Variants in CPA6 observed in about 807,000 individuals in gnomAD.
CPA6 encodes the protein carboxypeptidase A6, also known as carboxypeptidase B.
A neutral mutation model predicts 63.3 loss-of-function variants in CPA6; 58 were observed. The ratio of observed to expected loss-of-function variants is 0.92; its 90% CI spans 0.74 to 1.14. The LOEUF (loss-of-function observed/expected upper bound fraction) is 1.14, where lower values mean the gene tolerates loss of function less well. CPA6 is among the 50% of genes most tolerant of loss of function. The pLI is 0.00. For missense variants in CPA6, 565 were observed against 526.6 expected (o/e 1.07, Z -0.71); for synonymous variants, 185 against 179.0 (o/e 1.03, Z -0.27).
intron 1 of CPA6, among the ~76,000 whole-genome samples, chr8:67,666,364 C>T (rs554416437): frequency 2.8e-4 from 42 of 152,160 alleles, no homozygotes; most frequent in Non-Finnish European, 5.3e-4. Flanking sequence ...GCTACCCATT[C>T]CTTTTGGGAA....
chr8:67,445,133 G>A (rs28441492), intron 8 of CPA6, among the ~76,000 whole-genome samples: 23,937 of 152,160 alleles, frequency 0.16, 2,012 homozygotes, highest in East Asian at 0.24. Context: ...AGTAAGTATA[G>A]ACTATCTGTT....
chr8:67,518,947 GT>G (rs1812206214), intron 2 of CPA6, among the ~76,000 whole-genome samples: 1 of 152,104 alleles, frequency 6.6e-6, no homozygotes, highest in African/African-American at 2.4e-5. Flanking sequence ...CCTTGTCATA[GT>G]TTTTAGAGCA....
chr8:67,495,017 T>C (rs1354762649), intron 6 of CPA6, among the ~76,000 whole-genome samples: 1 of 152,204 alleles, frequency 6.6e-6, no homozygotes, highest in Admixed American at 6.5e-5. Flanking sequence ...GCAGAGTTTT[T>C]GATTTTCCCT....
intron 2 of CPA6, among the ~76,000 whole-genome samples, chr8:67,551,769 T>C (rs1166872779): frequency 6.6e-6 from 1 of 152,214 alleles, no homozygotes. Context: ...AGGTATTTTA[T>C]TTTTTTGGTG....
intron 2 of CPA6, among the ~76,000 whole-genome samples, chr8:67,592,672 C>T (rs1268883564): frequency 5.9e-5 from 9 of 151,916 alleles, no homozygotes; most frequent in South Asian, 2.1e-4. Flanking sequence ...AGTTTATTTG[C>T]GTAGAGGTGT....
intron 6 of CPA6, among the ~76,000 whole-genome samples, chr8:67,492,749 C>T (rs1033157498): frequency 6.6e-6 from 1 of 152,164 alleles, no homozygotes; most frequent in African/African-American, 2.4e-5. Flanking sequence ...TGTCTGTCTA[C>T]ACAATGGCCA....
At chr8:67,433,037 CA>C (rs548176026) in intron 9 of CPA6, among the ~76,000 whole-genome samples, 146 of 152,244 alleles carry the variant, frequency 9.6e-4, no homozygotes, top group Admixed American at 1.6e-3. Context: ...GTTGGACACC[CA>C]AGTGGTGTTG....
At chr8:67,637,663 A>T (rs1462441974) in intron 1 of CPA6, among the ~76,000 whole-genome samples, 1 of 151,560 alleles carries the variant, frequency 6.6e-6, no homozygotes, top group Non-Finnish European at 1.5e-5. Context: ...TGTATAATCT[A>T]GTTAGGTACA....
intron 2 of CPA6, among the ~76,000 whole-genome samples, chr8:67,602,912 C>A (rs558516424): frequency 6.6e-6 from 1 of 152,014 alleles, no homozygotes; most frequent in Admixed American, 6.5e-5. Context: ...AATTTGGAAC[C>A]CCTTGATAGA....
intron 2 of CPA6, among the ~76,000 whole-genome samples, chr8:67,538,178 A>C (rs1446179462): frequency 6.6e-6 from 1 of 152,154 alleles, no homozygotes; most frequent in Non-Finnish European, 1.5e-5. Flanking sequence ...CATGGTGGAG[A>C]GTTCTGTAGA....
intron 2 of CPA6, among the ~76,000 whole-genome samples, chr8:67,542,997 G>A (rs1215956213): frequency 6.6e-6 from 1 of 152,142 alleles, no homozygotes; most frequent in African/African-American, 2.4e-5. Context: ...TTTAGTATTT[G>A]TAGTATTCGT....
At chr8:67,678,386 C>T (rs745973952) in intron 1 of CPA6, among the ~76,000 whole-genome samples, 5 of 152,048 alleles carry the variant, frequency 3.3e-5, no homozygotes, top group African/African-American at 7.2e-5. Flanking sequence ...ATATATCCAA[C>T]GAGGCCTGAT....
intron 1 of CPA6, among the ~76,000 whole-genome samples, chr8:67,737,883 C>T (rs1282983119): frequency 6.6e-6 from 1 of 152,184 alleles, no homozygotes; most frequent in South Asian, 2.1e-4. Flanking sequence ...TTAGTCTTAA[C>T]TCTAGTGCTA....
chr8:67,592,817 G>A (rs1462002366), intron 2 of CPA6, among the ~76,000 whole-genome samples: 2 of 151,870 alleles, frequency 1.3e-5, no homozygotes, highest in Admixed American at 6.6e-5. Flanking sequence ...CAATTTTGTC[G>A]ATCCTTTCAA....
chr8:67,653,597 C>A (rs1815903464), intron 1 of CPA6, among the ~76,000 whole-genome samples: 1 of 151,962 alleles, frequency 6.6e-6, no homozygotes, highest in Admixed American at 6.6e-5. Context: ...GATTTTGTAT[C>A]CTGAGACTTT....
At chr8:67,587,710 T>C (rs1813984353) in intron 2 of CPA6, among the ~76,000 whole-genome samples, 1 of 152,104 alleles carries the variant, frequency 6.6e-6, no homozygotes, top group Non-Finnish European at 1.5e-5. Flanking sequence ...AACTATGTGG[T>C]TGGCATGTGT....
intron 6 of CPA6, among the ~76,000 whole-genome samples, chr8:67,500,147 C>T (rs190251958): frequency 4.6e-5 from 7 of 152,232 alleles, no homozygotes; most frequent in South Asian, 4.1e-4. Flanking sequence ...TGCATCCTCC[C>T]TGGCATTTGT....
intron 1 of CPA6, among the ~76,000 whole-genome samples, chr8:67,696,219 A>G (rs1212215276): frequency 1.3e-5 from 2 of 150,090 alleles, no homozygotes; most frequent in African/African-American, 5.0e-5. Flanking sequence ...AAAAAGATGT[A>G]TGATTTGAAT....
intron 2 of CPA6, among the ~76,000 whole-genome samples, chr8:67,538,046 G>C (rs903293270): frequency 1.4e-4 from 22 of 152,168 alleles, no homozygotes; most frequent in African/African-American, 5.3e-4. Flanking sequence ...TGTGGTCTGA[G>C]AGACTGTTTG....
Sources: gnomAD v4.1 joint callset for allele counts (sites outside exome capture counted in the v4.1 genomes callset) on GRCh38, gnomAD v4.1.1 for gene constraint, MANE v1.5 for transcripts, NCBI Gene and HGNC (gene_info 2026-07-23, HGNC 2026-07-21) for gene names.